The following AGPAT2 variants were observed in gnomAD, a reference collection of about 807,000 sequenced individuals.
AGPAT2 encodes 1-acyl-sn-glycerol-3-phosphate acyltransferase beta.
Under a neutral mutation model 26.1 loss-of-function variants are expected in AGPAT2, and 18 were observed. The ratio of observed to expected loss-of-function variants is 0.69; its 90% CI spans 0.48 to 1.02. AGPAT2 has a LOEUF of 1.02. Ranked by LOEUF, AGPAT2 falls within the 50% of genes least tolerant of loss-of-function variation. The pLI is 0.00. For missense variants in AGPAT2, 415 were observed against 394.9 expected (o/e 1.05, Z -0.43); for synonymous variants, 200 against 174.2 (o/e 1.15, Z -1.16).
At chr9:136,687,147 C>A (rs747115387) in intron 1 of AGPAT2, 29 bp downstream of exon 1, 6 of 1,567,080 alleles carry the variant, frequency 3.8e-6, no homozygotes, top group Non-Finnish European at 5.2e-6. Context: ...GGCGGTTCCC[C>A]GGCCCCTCCC....
intron 5 of AGPAT2, among the ~76,000 whole-genome samples, chr9:136,674,413 G>A (rs1008628505): frequency 1.1e-4 from 16 of 152,228 alleles, no homozygotes; most frequent in Admixed American, 3.3e-4. Context: ...TACCCTATGC[G>A]GGCATCAGCC....
At chr9:136,680,166 G>A (rs763732003) in intron 1 of AGPAT2, among the ~76,000 whole-genome samples, 11 of 152,198 alleles carry the variant, frequency 7.2e-5, no homozygotes, top group Non-Finnish European at 1.6e-4. Context: ...AGGAGGCTCG[G>A]GCCACATCTG....
intron 5 of AGPAT2, among the ~76,000 whole-genome samples, chr9:136,674,303 C>T (rs1208188699): frequency 6.6e-6 from 1 of 152,216 alleles, no homozygotes; most frequent in African/African-American, 2.4e-5. Flanking sequence ...ACCCCACTGT[C>T]CTGCCTGGGC....
Position 136,687,367 on chromosome 9 carries a change from C to G in AGPAT2, c.-10G>C. 2.1e-6 allele frequency: 3 copies of G among 1,446,176 alleles called. No individual in the cohort carries two copies. Among genetic ancestry groups the G allele is most frequent in the Admixed American group, 2.9e-5 (1 of 34,458 alleles). 89.6% of individuals were successfully genotyped at this position (1,446,176 alleles called of 1,614,324 possible). ...ACGGCCACAGCTCCATGGCCCGGCC[C>G]GGCGCCCGACGGCGCCGCCAGCTCG... On this transcript the variant is annotated 5_prime_UTR_variant, in exon 1 of 6. Transcript: ENST00000371696.
chr9:136,687,422 C>A lies in AGPAT2; in HGVS notation c.-65G>T. ...CGCTCCCGCTCCCGCTTCTCCCCCGCGCGCTCAGGCCCCTTATTGCGAGGG... is the reference window on the plus strand; with the variant it reads ...CGCTCCCGCTCCCGCTTCTCCCCCGAGCGCTCAGGCCCCTTATTGCGAGGG... On this transcript the variant is annotated 5_prime_UTR_variant, in exon 1 of 6. Coordinates refer to ENST00000371696, the MANE Select transcript of AGPAT2 (RefSeq NM_006412.4). The A allele has an allele frequency of 7.5e-7, 1 of 1,334,700 alleles. No homozygotes were observed. Among genetic ancestry groups the A allele is most frequent in the South Asian group, 1.8e-5 (1 of 56,952 alleles). 82.7% of individuals were successfully genotyped at this position (1,334,700 alleles called of 1,614,324 possible). A position where few individuals can be genotyped will look rare whatever the true frequency, so the allele number is the denominator to read the frequency against.
chr9:136,677,219 C>G (rs1846104098), intron 2 of AGPAT2, 83 bp from the exon 3 acceptor site: 1 of 1,547,018 alleles, frequency 6.5e-7, no homozygotes, highest in East Asian at 2.3e-5. Context: ...CACAGGCCTG[C>G]CTGGCACCCT....
At chr9:136,675,116 C>A (rs1846073325) in intron 4 of AGPAT2, among the ~76,000 whole-genome samples, 2 of 152,156 alleles carry the variant, frequency 1.3e-5, no homozygotes, top group Non-Finnish European at 2.9e-5. Context: ...GGGGGCAGGG[C>A]CCTGTCCGGT....
At chr9:136,676,882 A>C in intron 3 of AGPAT2, 79 bp downstream of exon 3, 1 of 1,554,536 alleles carries the variant, frequency 6.4e-7, no homozygotes, top group Non-Finnish European at 8.8e-7. Context: ...TTCTGCCAAA[A>C]CCAAGTCACA....
intron 2 of AGPAT2, 64 bp downstream of exon 2, chr9:136,677,359 C>T: frequency 6.2e-7 from 1 of 1,611,126 alleles, no homozygotes; most frequent in South Asian, 1.1e-5. Context: ...GACCCAGCCC[C>T]ACACAGCCCC....
At chr9:136,677,989 C>T (rs773168352) in intron 1 of AGPAT2, among the ~76,000 whole-genome samples, 3 of 152,146 alleles carry the variant, frequency 2.0e-5, no homozygotes, top group Non-Finnish European at 4.4e-5. Context: ...CCCCACACAC[C>T]CTGGGGAAGG....
chr9:136,687,108 G>T, intron 1 of AGPAT2, 68 bp downstream of exon 1: 1 of 1,497,356 alleles, frequency 6.7e-7, no homozygotes, highest in South Asian at 1.2e-5. Context: ...GGGAAGCCCA[G>T]AAGAAAGTTA....
intron 1 of AGPAT2, among the ~76,000 whole-genome samples, chr9:136,679,219 G>A (rs1009972529): frequency 1.3e-5 from 2 of 152,050 alleles, no homozygotes; most frequent in African/African-American, 4.8e-5. Context: ...GTTCCCATGC[G>A]ACACAAACCC....
rs568518932 is a variant in AGPAT2 at position 136,683,945 on chromosome 9, G to A, written c.182+3231C>T. ...GCCCGACATCCCAAGTCCCCTGTGC[G>A]TTCTCCCCACACTGGGCGTGTGGTG... On this transcript the variant is annotated intron_variant, in intron 1 of 5. Coordinates refer to ENST00000371696, the MANE Select transcript of AGPAT2 (RefSeq NM_006412.4). 6.6e-5 allele frequency among the ~76,000 whole-genome samples: 10 copies of A among 152,330 alleles called. No homozygotes were observed. In the East Asian group the frequency reaches 1.7e-3, roughly 26 times the overall value.
intron 1 of AGPAT2, among the ~76,000 whole-genome samples, chr9:136,682,793 CCCTCTGGGGTCTGCAGGAACCCAG>C (rs770821492): frequency 1.2e-4 from 18 of 152,124 alleles, no homozygotes; most frequent in Non-Finnish European, 2.2e-4. Context: ...CGTAAGAGAC[CCCTCTGGGGTCTGCAGGAACCCAG>C]CCTCCTCAGA....
chr9:136,675,276 A>G (rs537740704), intron 4 of AGPAT2, among the ~76,000 whole-genome samples: 25 of 152,038 alleles, frequency 1.6e-4, no homozygotes, highest in Admixed American at 6.5e-4. Flanking sequence ...ATCCAAGGGC[A>G]CTTGGGGGTG....
intron 4 of AGPAT2, 127 bp from the exon 5 acceptor site, chr9:136,674,934 C>G: frequency 3.6e-6 from 2 of 558,136 alleles, no homozygotes; most frequent in Non-Finnish European, 5.8e-6. Flanking sequence ...GCCATGGGTC[C>G]TTGTGGCTGT....
chr9:136,677,284 G>A (rs1054564271), intron 2 of AGPAT2, 139 bp downstream of exon 2: 4 of 1,504,174 alleles, frequency 2.7e-6, no homozygotes, highest in African/African-American at 1.4e-5. Context: ...TCTGTGTCTG[G>A]CCCTGAGGGA....
intron 1 of AGPAT2, among the ~76,000 whole-genome samples, chr9:136,681,428 G>C (rs1349228017): frequency 2.6e-5 from 4 of 152,238 alleles, no homozygotes; most frequent in African/African-American, 9.6e-5. Context: ...AGCCACGTGA[G>C]GCCACCGCAC....
chr9:136,677,077 G>A lies in AGPAT2; in HGVS notation c.376C>T (p.Leu126=). The A allele has an allele frequency of 6.2e-7, 1 of 1,613,228 alleles. No homozygotes were observed. Among genetic ancestry groups the A allele is most frequent in the Non-Finnish European group, 8.5e-7 (1 of 1,180,008 alleles). The change falls in exon 3 of 6, where the codon CTG becomes TTG. Residue 126 remains leucine, a synonymous_variant. Transcript: ENST00000371696. ...VQIAKRELLF[L]GPVGLIMYLG... is the part of the protein sequence containing the mutation. ...TACATGATGAGGCCCACGGGCCCCAGGAAGAGCAGCTCCCGCTTGGCGATC... is the reference window on the plus strand; with the variant it reads ...TACATGATGAGGCCCACGGGCCCCAAGAAGAGCAGCTCCCGCTTGGCGATC...
Sources: allele counts gnomAD v4.1 joint callset (sites outside exome capture counted in the v4.1 genomes callset), GRCh38; gene constraint gnomAD v4.1.1; transcripts MANE v1.5; gene names NCBI Gene and HGNC (gene_info 2026-07-23, HGNC 2026-07-21).